PLCE1: variants seen among roughly 807,000 people sequenced by gnomAD.
PLCE1 encodes the protein 1-phosphatidylinositol 4,5-bisphosphate phosphodiesterase epsilon-1.
PLCE1 carries 119 observed loss-of-function variants against 242.8 expected under a neutral mutation model. That is an observed-to-expected ratio of 0.49 (90% confidence interval 0.42 to 0.57). PLCE1 has a LOEUF of 0.57. Ranked by LOEUF, PLCE1 falls within the 20% of genes least tolerant of loss-of-function variation. PLCE1 has a pLI of 0.00. For synonymous variants in PLCE1, 945 were observed against 1,017.4 expected (o/e 0.93, Z 1.35); for missense variants, 2,441 against 2,788.8 (o/e 0.88, Z 2.81).
intron 1 of PLCE1, among the ~76,000 whole-genome samples, chr10:94,003,188 T>TTAA (rs1429741181): frequency 1.3e-5 from 2 of 152,240 alleles, no homozygotes; most frequent in Non-Finnish European, 2.9e-5. Context: ...TGAGTGAAGA[T>TTAA]AATAGACTGT....
At chr10:94,245,908 A>C in intron 7 of PLCE1, 38 bp from the exon 8 acceptor site, 1 of 1,556,418 alleles carries the variant, frequency 6.4e-7, no homozygotes, top group South Asian at 1.1e-5. Context: ...TTCTCACTTG[A>C]TTATAAGACA....
intron 23 of PLCE1, among the ~76,000 whole-genome samples, chr10:94,298,000 C>T (rs1451122342): frequency 6.6e-6 from 1 of 152,140 alleles, no homozygotes; most frequent in Admixed American, 6.6e-5. Context: ...GATGTTGCTA[C>T]ATTCATTTTG....
At chr10:94,274,242 A>C (rs1027461257) in intron 19 of PLCE1, among the ~76,000 whole-genome samples, 1 of 152,172 alleles carries the variant, frequency 6.6e-6, no homozygotes, top group Non-Finnish European at 1.5e-5. Flanking sequence ...GAAAAAGTTC[A>C]GGTACAGAAC....
intron 1 of PLCE1, among the ~76,000 whole-genome samples, chr10:94,023,997 T>C (rs1167563051): frequency 6.6e-6 from 1 of 152,038 alleles, no homozygotes; most frequent in Admixed American, 6.6e-5. Flanking sequence ...TCATAATAGT[T>C]CAGAGAAAGG....
chr10:94,261,248 T>C (rs1185890993), intron 13 of PLCE1, among the ~76,000 whole-genome samples: 1 of 152,210 alleles, frequency 6.6e-6, no homozygotes, highest in Non-Finnish European at 1.5e-5. Context: ...AATCACACAG[T>C]ACATAGCATT....
intron 1 of PLCE1, among the ~76,000 whole-genome samples, chr10:94,006,405 G>A (rs142117780): frequency 3.2e-3 from 488 of 152,332 alleles, no homozygotes; most frequent in Non-Finnish European, 5.1e-3. Context: ...CTACTGTGTG[G>A]TGGAAAAACC....
chr10:94,064,732 T>C (rs1421235694), intron 2 of PLCE1, among the ~76,000 whole-genome samples: 1 of 152,184 alleles, frequency 6.6e-6, no homozygotes, highest in Non-Finnish European at 1.5e-5. Flanking sequence ...GTAAAAGTGC[T>C]GAGTACAGAA....
chr10:94,323,612 A>G (rs1034492209), intron 30 of PLCE1, among the ~76,000 whole-genome samples: 5 of 152,234 alleles, frequency 3.3e-5, no homozygotes, highest in Admixed American at 3.3e-4. Flanking sequence ...AAGGTTAAGT[A>G]TATGTAAGAT....
chr10:94,302,264 G>C (rs1277273783), intron 24 of PLCE1, among the ~76,000 whole-genome samples: 1 of 152,164 alleles, frequency 6.6e-6, no homozygotes, highest in Non-Finnish European at 1.5e-5. Flanking sequence ...GGAAAGAGCT[G>C]ATGCACGCTG....
At chr10:94,226,796 AAG>A (rs966572006) in intron 4 of PLCE1, among the ~76,000 whole-genome samples, 10 of 150,880 alleles carry the variant, frequency 6.6e-5, no homozygotes, top group Admixed American at 6.6e-5. Context: ...AAAGAAAATA[AAG>A]AGAGAGTTAT....
chr10:94,003,943 C>T (rs1337787636), intron 1 of PLCE1, among the ~76,000 whole-genome samples: 2 of 152,002 alleles, frequency 1.3e-5, no homozygotes, highest in South Asian at 2.1e-4. Flanking sequence ...GTCAGGAGTT[C>T]GAGACCAGCC....
chr10:94,030,868 T>G lies in PLCE1; in HGVS notation c.-179T>G. The stretch of plus-strand genomic sequence containing the variant: ...AATATATATTCATGATAGGAAGTTA[T>G]AACTAAGAAAATTTATTTGCCTCTT... On this transcript the variant is annotated 5_prime_UTR_variant, in exon 2 of 33. It introduces an in-frame stop codon into an upstream open reading frame of the 5' UTR. Transcript: ENST00000371380. 1.6e-6 allele frequency: 1 copy of G among 641,670 alleles called. No individual in the cohort carries two copies. The highest frequency in any genetic ancestry group is 1.9e-5 in the South Asian group (1 of 52,424). 39.7% of individuals were successfully genotyped at this position (641,670 alleles called of 1,614,324 possible).
At chr10:94,198,630 A>G (rs752143884) in intron 4 of PLCE1, among the ~76,000 whole-genome samples, 6 of 152,200 alleles carry the variant, frequency 3.9e-5, no homozygotes, top group African/African-American at 4.8e-5. Context: ...TTCCTCCCCT[A>G]TCTCAAACCT....
intron 14 of PLCE1, among the ~76,000 whole-genome samples, chr10:94,264,287 A>G (rs2051422883): frequency 1.3e-5 from 2 of 152,092 alleles, no homozygotes; most frequent in Non-Finnish European, 1.5e-5. Flanking sequence ...GGGAGCCACA[A>G]GGTCAAAGAC....
intron 2 of PLCE1, among the ~76,000 whole-genome samples, chr10:94,092,102 A>G (rs117062975): frequency 0.011 from 1,695 of 152,356 alleles, 10 homozygotes; most frequent in Admixed American, 0.016. Context: ...AAGATAATGT[A>G]TACCTGACGA....
intron 24 of PLCE1, among the ~76,000 whole-genome samples, chr10:94,301,429 C>T (rs967861525): frequency 2.0e-4 from 30 of 151,850 alleles, no homozygotes; most frequent in African/African-American, 7.2e-4. Flanking sequence ...CACCATTTTT[C>T]AATTGTTGAA....
At chr10:94,255,594 C>A (rs1481639613) in intron 11 of PLCE1, among the ~76,000 whole-genome samples, 4 of 152,164 alleles carry the variant, frequency 2.6e-5, no homozygotes, top group African/African-American at 9.7e-5. Flanking sequence ...TAATACTTTT[C>A]TCATATGTAA....
Position 94,330,635 on chromosome 10 carries a change from T to C in PLCE1, c.*2692T>C, listed in dbSNP as rs1055518283. ...TGAACTCAAGACGCAGAGGTTGCAG[T>C]GAGTGGAGACTGTGCCACTGCACTC... On this transcript the variant is annotated 3_prime_UTR_variant, in exon 33 of 33. Coordinates refer to ENST00000371380, the MANE Select transcript of PLCE1 (RefSeq NM_016341.4). The C allele has an allele frequency of 4.0e-5, 6 of 148,484 alleles. No individual in the cohort carries two copies. Among genetic ancestry groups the C allele is most frequent in the Admixed American group, 2.7e-4 (4 of 14,594 alleles). The allele number at this position is 148,484 out of a possible 1,614,324, so 9.2% of individuals were successfully genotyped here.
chr10:94,081,365 A>G (rs1231626022), intron 2 of PLCE1, among the ~76,000 whole-genome samples: 2 of 152,096 alleles, frequency 1.3e-5, no homozygotes, highest in Non-Finnish European at 2.9e-5. Context: ...TCTAATGAAC[A>G]TTTTTCTTCA....
Sources: gnomAD v4.1 joint callset for allele counts (sites outside exome capture counted in the v4.1 genomes callset) on GRCh38, gnomAD v4.1.1 for gene constraint, MANE v1.5 for transcripts, NCBI Gene and HGNC (gene_info 2026-07-23, HGNC 2026-07-21) for gene names.